The following TNFSF8 variants were observed in gnomAD, a reference collection of about 807,000 sequenced individuals.
The protein encoded by TNFSF8 is TNF superfamily member 8.
TNFSF8 carries 4 observed loss-of-function variants against 22.0 expected under a neutral mutation model. The observed-to-expected ratio is 0.18, with a 90% CI of 0.09 to 0.42. TNFSF8 has a LOEUF of 0.42. Among genes scored for constraint, TNFSF8 ranks in the 10% least tolerant of loss-of-function variants. The pLI is 1.00. For missense variants in TNFSF8, 233 were observed against 281.8 expected (o/e 0.83, Z 1.24); for synonymous variants, 106 against 112.5 (o/e 0.94, Z 0.37).
chr9:114,927,846 T>C (rs1828082634), intron 1 of TNFSF8, among the ~76,000 whole-genome samples: 1 of 152,212 alleles, frequency 6.6e-6, no homozygotes, highest in African/African-American at 2.4e-5. Context: ...ATTGATTTCT[T>C]TCCTAGAGTT....
intron 2 of TNFSF8, among the ~76,000 whole-genome samples, chr9:114,906,198 A>G (rs1827782741): frequency 1.3e-5 from 2 of 152,350 alleles, no homozygotes; most frequent in South Asian, 4.1e-4. Context: ...TTTTGGCACT[A>G]TACGTATTTC....
chr9:114,919,119 T>C (rs1827957027), intron 1 of TNFSF8, among the ~76,000 whole-genome samples: 1 of 152,090 alleles, frequency 6.6e-6, no homozygotes, highest in South Asian at 2.1e-4. Context: ...AATTCTGAAT[T>C]AATTGTGTGT....
chr9:114,927,944 A>G (rs1828083617), intron 1 of TNFSF8, among the ~76,000 whole-genome samples: 1 of 151,914 alleles, frequency 6.6e-6, no homozygotes, highest in Admixed American at 6.6e-5. Flanking sequence ...CTTCCTGATA[A>G]CTCAAGTTAA....
rs1827738884 is a variant in TNFSF8, at chr9:114,903,200, A to G, written c.*731T>C. On this transcript the variant is annotated 3_prime_UTR_variant, in exon 4 of 4. Coordinates refer to ENST00000223795, the MANE Select transcript of TNFSF8 (RefSeq NM_001244.4). ...CAGACTCATTATGCCCTTTCTGTCC[A>G]GGATCTGTAAGTAAAAGTCTTTGAA... 1 of 152,282 alleles carries G rather than the reference A, an allele frequency of 6.6e-6. No individual in the cohort carries two copies. The highest frequency in any genetic ancestry group is 2.4e-5 in the African/African-American group (1 of 41,468). 9.4% of individuals were successfully genotyped at this position (152,282 alleles called of 1,614,324 possible).
In TNFSF8 at chr9:114,902,699, G is replaced by T. The variant is rs548052535; in HGVS notation, c.*1232C>A. The T allele has an allele frequency of 4.7e-4, 463 of 985,398 alleles. No individual in the cohort carries two copies. The highest frequency in any genetic ancestry group is 5.4e-4 in the Non-Finnish European group (445 of 829,942). The allele number at this position is 985,398 out of a possible 1,614,324, so 61.0% of individuals were successfully genotyped here. On this transcript the variant is annotated 3_prime_UTR_variant, in exon 4 of 4. Transcript: ENST00000223795. ...TACTGGGGTAGGGGGGCCTTATTTT[G>T]GTTGGAGAGCTTCCAAAATTGTGTC...
downstream of TNFSF8, among the ~76,000 whole-genome samples, chr9:114,897,827 T>G (rs1298777598): frequency 6.6e-6 from 1 of 151,936 alleles, no homozygotes. Context: ...AGAGACCTGG[T>G]GGAAAGAGCT....
In TNFSF8 at chr9:114,930,552, G is replaced by A; in HGVS notation, c.-249C>T. The A allele has an allele frequency of 2.7e-6, 1 of 365,160 alleles. No individual in the cohort carries two copies. The highest frequency in any genetic ancestry group is 4.9e-6 in the Non-Finnish European group (1 of 202,730). 22.6% of individuals were successfully genotyped at this position (365,160 alleles called of 1,614,324 possible). On this transcript the variant is annotated 5_prime_UTR_variant, in exon 1 of 4. Transcript: ENST00000223795. Reference sequence around the variant, plus strand: ...GTTGTGTGCAGAGAAACTAGCTACAGAGAAGGTGGCTGATGTCAGAGGGCG... The same window carrying A: ...GTTGTGTGCAGAGAAACTAGCTACAAAGAAGGTGGCTGATGTCAGAGGGCG...
chr9:114,903,916 G>T lies in TNFSF8; in HGVS notation c.*15C>A, dbSNP rs1410924533. ...GTAGAGAGGCGCTTTCTTCCTGAAG[G>T]CCAAGAGAAACTGTTCAGTCTGAAT... On this transcript the variant is annotated 3_prime_UTR_variant, in exon 4 of 4. Transcript: ENST00000223795. The T allele has an allele frequency of 6.3e-7, 1 of 1,591,982 alleles. No homozygotes were observed. Among genetic ancestry groups the T allele is most frequent in the Middle Eastern group, 1.7e-4 (1 of 5,934 alleles).
intron 1 of TNFSF8, among the ~76,000 whole-genome samples, chr9:114,926,924 T>C (rs1828068154): frequency 6.8e-6 from 1 of 147,636 alleles, no homozygotes; most frequent in East Asian, 1.9e-4. Context: ...ATAAATATTA[T>C]AAAATATATC....
intron 1 of TNFSF8, among the ~76,000 whole-genome samples, chr9:114,929,244 G>A (rs186902816): frequency 2.0e-5 from 3 of 152,164 alleles, no homozygotes; most frequent in Non-Finnish European, 2.9e-5. Flanking sequence ...GTAAATCTCC[G>A]AAGACAGTCT....
chr9:114,918,598 C>T (rs1183424972), intron 1 of TNFSF8, among the ~76,000 whole-genome samples: 1 of 152,042 alleles, frequency 6.6e-6, no homozygotes, highest in Non-Finnish European at 1.5e-5. Flanking sequence ...TACAGGTGCA[C>T]ACCACTACAC....
At chr9:114,915,942 G>C (rs1827913205) in intron 2 of TNFSF8, among the ~76,000 whole-genome samples, 1 of 152,160 alleles carries the variant, frequency 6.6e-6, no homozygotes, top group Non-Finnish European at 1.5e-5. Flanking sequence ...TTTGTGTTCT[G>C]ATATTCCCAT....
intron 2 of TNFSF8, among the ~76,000 whole-genome samples, chr9:114,910,862 C>T (rs1827844435): frequency 6.6e-6 from 1 of 152,170 alleles, no homozygotes; most frequent in Non-Finnish European, 1.5e-5. Context: ...CACGATGCAT[C>T]GCAAAAAGAG....
Position 114,905,832 on chromosome 9 carries a change from G to A in TNFSF8, c.306C>T (p.Leu102=), listed in dbSNP as rs762821864. Residue 102 remains leucine (L), a synonymous_variant, in exon 3 of 4, where the codon CTC becomes CTT. Coordinates refer to ENST00000223795, the MANE Select transcript of TNFSF8 (RefSeq NM_001244.4). The part of the protein sequence containing the change: ...RAPFKKSWAY[L]QVAKHLNKTK... ...TTCCTGGGCTTGGTTACTGACCTTG[G>A]AGGTAGGCCCATGACTTCTTGAATG... 9.1e-5 allele frequency: 146 copies of A among 1,611,130 alleles called. No homozygotes were observed. Among genetic ancestry groups the A allele is most frequent in the Middle Eastern group, 1.7e-4 (1 of 6,054 alleles).
chr9:114,901,671 A>T lies in TNFSF8; in HGVS notation c.*2260T>A. The stretch of plus-strand genomic sequence containing the variant: ...CTGTTTTTTTAGCCTTGAGTCTCAA[A>T]GTCTGTTTTGTTTTTTACCACAGAC... On this transcript the variant is annotated 3_prime_UTR_variant, in exon 4 of 4. Transcript: ENST00000223795. The T allele has an allele frequency of 1.0e-6, 1 of 985,416 alleles. No homozygotes were observed. Among genetic ancestry groups the T allele is most frequent in the Non-Finnish European group, 1.2e-6 (1 of 829,928 alleles). 61.0% of individuals were successfully genotyped at this position (985,416 alleles called of 1,614,324 possible).
At chr9:114,924,565 A>T (rs1828033515) in intron 1 of TNFSF8, among the ~76,000 whole-genome samples, 1 of 152,188 alleles carries the variant, frequency 6.6e-6, no homozygotes, top group Non-Finnish European at 1.5e-5. Context: ...GCAAAAATAC[A>T]GCAAGATATT....
At chr9:114,900,990 G>C (rs7858603), downstream of TNFSF8, among the ~76,000 whole-genome samples, 83,496 of 151,770 alleles carry the variant, frequency 0.55, 24,619 homozygotes, top group African/African-American at 0.75. Context: ...ATGTTTTTGT[G>C]AGCTCACTTA....
downstream of TNFSF8, among the ~76,000 whole-genome samples, chr9:114,899,339 G>GTTTTTTTTTT (rs1357227212): frequency 1.0e-5 from 1 of 98,666 alleles, no homozygotes; most frequent in African/African-American, 5.9e-5. Flanking sequence ...TTCACAGTAA[G>GTTTTTTTTTT]TTATTATTTT....
At chr9:114,909,871 G>A (rs1827831438) in intron 2 of TNFSF8, among the ~76,000 whole-genome samples, 1 of 152,184 alleles carries the variant, frequency 6.6e-6, no homozygotes, top group African/African-American at 2.4e-5. Flanking sequence ...GCATAGTTTG[G>A]AGAAATGAAA....
Sources: gnomAD v4.1 joint callset for allele counts (sites outside exome capture counted in the v4.1 genomes callset) on GRCh38, gnomAD v4.1.1 for gene constraint, MANE v1.5 for transcripts, NCBI Gene and HGNC (gene_info 2026-07-23, HGNC 2026-07-21) for gene names.